TES: variants seen among roughly 807,000 people sequenced by gnomAD.
TES encodes the protein testin.
A neutral mutation model predicts 48.2 loss-of-function variants in TES; 41 were observed. The observed-to-expected ratio is 0.85, with a 90% CI of 0.66 to 1.10. The LOEUF is 1.10. Ranked by LOEUF, TES falls within the 50% of genes least tolerant of loss-of-function variation. The probability of loss-of-function intolerance (pLI) is 0.00; values close to 1 mark genes in which losing one functional copy is unlikely to be tolerated. For missense variants in TES, 463 were observed against 515.1 expected, an observed-to-expected ratio of 0.90 and a Z score of 0.98; for synonymous variants, 162 against 174.9, an observed-to-expected ratio of 0.93 and a Z score of 0.58.
chr7:116,256,238 TAGC>T (rs1307740877), intron 6 of TES, among the ~76,000 whole-genome samples: 7 of 152,106 alleles, frequency 4.6e-5, no homozygotes, highest in African/African-American at 1.7e-4. Flanking sequence ...ACCCAGTGAG[TAGC>T]AGCCACATTT....
chr7:116,246,277 G>A (rs569566877), intron 2 of TES, among the ~76,000 whole-genome samples: 1 of 152,200 alleles, frequency 6.6e-6, no homozygotes, highest in African/African-American at 2.4e-5. Context: ...TTCCATTTGT[G>A]AAGTAGTGGC....
At chr7:116,236,550 G>C (rs1271720558) in intron 2 of TES, among the ~76,000 whole-genome samples, 1 of 152,076 alleles carries the variant, frequency 6.6e-6, no homozygotes, top group African/African-American at 2.4e-5. Flanking sequence ...TTTGAAATCT[G>C]ATACACTTCT....
chr7:116,247,816 C>A (rs1385036625), intron 2 of TES, among the ~76,000 whole-genome samples: 1 of 152,000 alleles, frequency 6.6e-6, no homozygotes, highest in African/African-American at 2.4e-5. Flanking sequence ...CTTTTTTTCA[C>A]CTTCCATTTT....
chr7:116,225,052 A>G (rs1488206783), intron 1 of TES, among the ~76,000 whole-genome samples: 3 of 151,930 alleles, frequency 2.0e-5, no homozygotes, highest in Admixed American at 6.6e-5. Context: ...TGGGGATTAA[A>G]TGTGATGGTT....
intron 2 of TES, among the ~76,000 whole-genome samples, chr7:116,248,493 A>G (rs1169962219): frequency 6.6e-6 from 1 of 151,582 alleles, no homozygotes; most frequent in Admixed American, 6.5e-5. Context: ...GACTGATGGA[A>G]GATGGCATCT....
At chr7:116,254,060 A>G (rs1049918453) in intron 6 of TES, among the ~76,000 whole-genome samples, 23 of 100,394 alleles carry the variant, frequency 2.3e-4, no homozygotes, top group African/African-American at 7.1e-4. Context: ...AGGGAACAAG[A>G]CGTCAAATCA....
rs1319524513 is a variant in TES at position 116,249,290 on chromosome 7, G to A, written c.366+18G>A. ...AAGCATTGGTAAATGATATGGAACA[G>A]AGAGTTTCTTTATTGAAGTTCCTGG... On this transcript the variant is annotated intron_variant, in intron 3 of 6. Coordinates refer to ENST00000358204, the MANE Select transcript of TES (RefSeq NM_015641.4). The A allele has an allele frequency of 6.2e-6, 10 of 1,613,434 alleles. No homozygotes were observed. Among genetic ancestry groups the A allele is most frequent in the Non-Finnish European group, 8.5e-6 (10 of 1,179,884 alleles).
At position 116,252,998 on chromosome 7, in the gene TES, C is replaced by T. The variant is rs754806168; in HGVS notation, c.1077+522C>T. ...AGATTTTTGTGTGGGCCAAACATTC[C>T]AATGTGAAAGTATATTTTTTCTTGC... is the stretch of plus-strand genomic sequence containing the variant. On this transcript the variant is annotated intron_variant, in intron 6 of 6. Transcript: ENST00000358204. Among the ~76,000 whole-genome samples the T allele has an allele frequency of 5.0e-4, 76 of 152,234 alleles. 1 individual carries two copies. The highest frequency in any genetic ancestry group is 3.2e-3 in the Admixed American group (49 of 15,300).
chr7:116,221,291 G>T (rs1485219615), intron 1 of TES, among the ~76,000 whole-genome samples: 1 of 152,074 alleles, frequency 6.6e-6, no homozygotes. Context: ...TCAAAGCTGG[G>T]TATATTAGGT....
At chr7:116,219,212 C>T (rs537808708) in intron 1 of TES, among the ~76,000 whole-genome samples, 6 of 152,216 alleles carry the variant, frequency 3.9e-5, no homozygotes, top group African/African-American at 1.2e-4. Flanking sequence ...CCAAAGGTAC[C>T]TGGCTGTGAA....
At chr7:116,230,590 G>A (rs1799685555) in intron 1 of TES, among the ~76,000 whole-genome samples, 1 of 152,162 alleles carries the variant, frequency 6.6e-6, no homozygotes, top group African/African-American at 2.4e-5. Flanking sequence ...GTTGCCCTGT[G>A]GCTTTCCTCT....
At chr7:116,222,163 A>G (rs542453104) in intron 1 of TES, among the ~76,000 whole-genome samples, 1 of 152,290 alleles carries the variant, frequency 6.6e-6, no homozygotes, top group East Asian at 1.9e-4. Context: ...TAGGGTTCTT[A>G]CATCTCTCCC....
chr7:116,237,676 C>T (rs1169710998), intron 2 of TES, among the ~76,000 whole-genome samples: 2 of 152,162 alleles, frequency 1.3e-5, no homozygotes, highest in African/African-American at 4.8e-5. Flanking sequence ...AACAAAATAT[C>T]ACATACCTGG....
intron 1 of TES, among the ~76,000 whole-genome samples, chr7:116,232,799 A>G (rs564678652): frequency 1.3e-5 from 2 of 152,366 alleles, no homozygotes; most frequent in South Asian, 2.1e-4. Context: ...AATTGGTAAT[A>G]TGGACATGGC....
In TES at chr7:116,250,213, CAG is replaced by C; in HGVS notation, c.422_423del (p.Glu141GlyfsTer17). 8.8e-6 allele frequency: 14 copies of C among 1,587,992 alleles called. No individual in the cohort carries two copies. Among genetic ancestry groups the C allele is most frequent in the Non-Finnish European group, 1.2e-5 (14 of 1,169,262 alleles). ...AAGGAAAAGCAGCCAGTAGCAGGCT[CAG>C]AGGGGGCACAGTACCGGAAGAAGCA... is the stretch of plus-strand genomic sequence containing the variant. On this transcript the variant is annotated frameshift_variant, in exon 4 of 7. Coordinates refer to ENST00000358204, the MANE Select transcript of TES (RefSeq NM_015641.4). LOFTEE classifies it high-confidence loss of function.
Position 116,224,443 on chromosome 7 carries a change from A to G in TES, c.28-10091A>G, listed in dbSNP as rs111813806. Among the ~76,000 whole-genome samples the G allele has an allele frequency of 4.9e-4, 75 of 152,360 alleles. 1 individual carries two copies. The highest frequency in any genetic ancestry group is 1.0e-3 in the Non-Finnish European group (69 of 68,032). Reference sequence around the variant, plus strand: ...TAATGTATGTAATCTTACATATAATATAGCAGATAATTTTTAGTACTAGTC... The same window carrying G: ...TAATGTATGTAATCTTACATATAATGTAGCAGATAATTTTTAGTACTAGTC... On this transcript the variant is annotated intron_variant, in intron 1 of 6. Transcript: ENST00000358204.
At chr7:116,238,143 A>G (rs1172166917) in intron 2 of TES, 1 of 152,112 alleles carries the variant, frequency 6.6e-6, no homozygotes, top group East Asian at 1.9e-4. Context: ...CCCAGACCTC[A>G]TTCTTCATCA....
At chr7:116,216,788 G>T (rs1799499549) in intron 1 of TES, among the ~76,000 whole-genome samples, 1 of 152,008 alleles carries the variant, frequency 6.6e-6, no homozygotes, top group Non-Finnish European at 1.5e-5. Flanking sequence ...TAAATCTGTA[G>T]TATAAGGCTC....
At chr7:116,215,613 G>C (rs1295707901) in intron 1 of TES, among the ~76,000 whole-genome samples, 2 of 152,242 alleles carry the variant, frequency 1.3e-5, no homozygotes, top group South Asian at 4.1e-4. Context: ...CTGACTTTTG[G>C]TGTGAGCCAA....
Sources: gnomAD v4.1 joint callset for allele counts (sites outside exome capture counted in the v4.1 genomes callset) on GRCh38, gnomAD v4.1.1 for gene constraint, MANE v1.5 for transcripts, NCBI Gene and HGNC (gene_info 2026-07-23, HGNC 2026-07-21) for gene names.